NR3C2: variants seen among roughly 807,000 people sequenced by gnomAD.
NR3C2 encodes the protein mineralocorticoid receptor.
In NR3C2, 15 loss-of-function variants were observed where a neutral mutation model predicts 86.4. The ratio of observed to expected loss-of-function variants is 0.17; its 90% CI spans 0.12 to 0.27. The LOEUF (loss-of-function observed/expected upper bound fraction) is 0.27, where lower values mean the gene tolerates loss of function less well. Among genes scored for constraint, NR3C2 ranks in the 10% least tolerant of loss-of-function variants. The pLI is 1.00. For synonymous variants in NR3C2, 458 were observed against 450.5 expected, an observed-to-expected ratio of 1.02 and a Z score of -0.21; for missense variants, 960 against 1,195.6, an observed-to-expected ratio of 0.80 and a Z score of 2.91.
chr4:148,089,125 A>G (rs1403926103), intron 8 of NR3C2, among the ~76,000 whole-genome samples: 3 of 152,232 alleles, frequency 2.0e-5, no homozygotes, highest in Non-Finnish European at 4.4e-5. Context: ...CAGATAGTAA[A>G]TAACTGTTTG....
intron 2 of NR3C2, among the ~76,000 whole-genome samples, chr4:148,347,127 G>A (rs1246975607): frequency 6.6e-6 from 1 of 152,068 alleles, no homozygotes; most frequent in Non-Finnish European, 1.5e-5. Context: ...TAGAACACAG[G>A]TAGAAGAACA....
At chr4:148,227,085 C>T (rs1738211609) in intron 3 of NR3C2, among the ~76,000 whole-genome samples, 1 of 152,142 alleles carries the variant, frequency 6.6e-6, no homozygotes, top group Non-Finnish European at 1.5e-5. Context: ...ATTCAATACT[C>T]TTAACAAATC....
intron 3 of NR3C2, among the ~76,000 whole-genome samples, chr4:148,242,718 A>ACTT (rs1739121349): frequency 3.3e-5 from 5 of 152,216 alleles, no homozygotes; most frequent in Non-Finnish European, 5.9e-5. Context: ...AAAACTGTTT[A>ACTT]ACCAATGCAA....
chr4:148,341,743 TA>T (rs561272814), intron 2 of NR3C2, among the ~76,000 whole-genome samples: 2 of 151,414 alleles, frequency 1.3e-5, no homozygotes, highest in African/African-American at 2.4e-5. Context: ...TATGCATCAA[TA>T]AAAAAAATAA....
chr4:148,249,463 C>A (rs746045961), intron 3 of NR3C2, among the ~76,000 whole-genome samples: 3 of 152,074 alleles, frequency 2.0e-5, no homozygotes, highest in Admixed American at 6.5e-5. Flanking sequence ...TATAAGTGAC[C>A]TTTCAATCTT....
intron 2 of NR3C2, among the ~76,000 whole-genome samples, chr4:148,393,112 T>C (rs1334155062): frequency 6.6e-6 from 1 of 152,198 alleles, no homozygotes; most frequent in Non-Finnish European, 1.5e-5. Flanking sequence ...AAAATTAGAT[T>C]TCCCAGCAAT....
At chr4:148,144,671 A>G (rs74622969) in intron 6 of NR3C2, among the ~76,000 whole-genome samples, 5,119 of 152,112 alleles carry the variant, frequency 0.034, 300 homozygotes, top group African/African-American at 0.11. Flanking sequence ...TCTTGTTTCT[A>G]GCTTATAAAA....
At chr4:148,444,990 G>A (rs1347503257), upstream of NR3C2, 2 of 983,288 alleles carry the variant, frequency 2.0e-6, no homozygotes, top group Non-Finnish European at 1.2e-6. Flanking sequence ...GGTCGCAGGG[G>A]GAGCCTGCGC....
chr4:148,155,143 A>C (rs886774909), intron 4 of NR3C2, among the ~76,000 whole-genome samples: 1 of 152,166 alleles, frequency 6.6e-6, no homozygotes, highest in East Asian at 1.9e-4. Context: ...TGTCTCCTAT[A>C]AGAGACTGTA....
chr4:148,201,798 C>G (rs761534078), intron 3 of NR3C2, among the ~76,000 whole-genome samples: 1 of 152,164 alleles, frequency 6.6e-6, no homozygotes, highest in East Asian at 1.9e-4. Context: ...CCATATACCC[C>G]CTTCAACTCC....
intron 3 of NR3C2, among the ~76,000 whole-genome samples, chr4:148,218,865 C>A (rs780941694): frequency 1.3e-5 from 2 of 152,162 alleles, no homozygotes; most frequent in Non-Finnish European, 2.9e-5. Context: ...TGTGGATATA[C>A]CATGTTGTTT....
chr4:148,292,160 CTTTT>C (rs556923624), intron 2 of NR3C2, among the ~76,000 whole-genome samples: 2 of 150,902 alleles, frequency 1.3e-5, no homozygotes, highest in Non-Finnish European at 3.0e-5. Flanking sequence ...CCTATTATGT[CTTTT>C]TTTTATGTTT....
chr4:148,278,556 T>C (rs912755131), intron 2 of NR3C2, among the ~76,000 whole-genome samples: 1 of 151,986 alleles, frequency 6.6e-6, no homozygotes, highest in Non-Finnish European at 1.5e-5. Context: ...TAAACATAAA[T>C]AAATACACGT....
chr4:148,352,028 C>T (rs1745306684), intron 2 of NR3C2, among the ~76,000 whole-genome samples: 1 of 152,088 alleles, frequency 6.6e-6, no homozygotes, highest in African/African-American at 2.4e-5. Flanking sequence ...TCTTAAATAA[C>T]CAATGGAAAT....
At chr4:148,353,700 T>G (rs955919381) in intron 2 of NR3C2, among the ~76,000 whole-genome samples, 2 of 152,182 alleles carry the variant, frequency 1.3e-5, no homozygotes, top group Non-Finnish European at 2.9e-5. Flanking sequence ...TATAATTATA[T>G]TCCTATATGA....
chr4:148,368,176 C>T (rs1339188802), intron 2 of NR3C2: 1 of 152,184 alleles, frequency 6.6e-6, no homozygotes, highest in Admixed American at 6.6e-5. Flanking sequence ...CACACAATGC[C>T]AGTCACCTCT....
intron 2 of NR3C2, among the ~76,000 whole-genome samples, chr4:148,347,585 G>A (rs916406653): frequency 1.3e-5 from 2 of 151,980 alleles, no homozygotes; most frequent in South Asian, 2.1e-4. Context: ...CTCAAGATAC[G>A]CTGGCCTCAG....
At chr4:148,160,656 C>T (rs145852133) in intron 4 of NR3C2, among the ~76,000 whole-genome samples, 7 of 151,978 alleles carry the variant, frequency 4.6e-5, no homozygotes, top group African/African-American at 9.7e-5. Flanking sequence ...TGCCATGTCT[C>T]GAAATTTTAG....
chr4:148,223,048 G>A (rs1262839276), intron 3 of NR3C2, among the ~76,000 whole-genome samples: 1 of 152,146 alleles, frequency 6.6e-6, no homozygotes, highest in Non-Finnish European at 1.5e-5. Flanking sequence ...TGGAAACAAT[G>A]TAAACTATAA....
Sources: gnomAD v4.1 joint callset for allele counts (sites outside exome capture counted in the v4.1 genomes callset) on GRCh38, gnomAD v4.1.1 for gene constraint, MANE v1.5 for transcripts, NCBI Gene and HGNC (gene_info 2026-07-23, HGNC 2026-07-21) for gene names.